OR51B2: variants seen among roughly 807,000 people sequenced by gnomAD.
OR51B2 encodes the protein olfactory receptor family 51 subfamily B member 2.
For synonymous variants in OR51B2, 158 were observed against 135.3 expected (o/e 1.17, Z -1.16); for missense variants, 463 against 380.1 (o/e 1.22, Z -1.81).
Position 5,323,524 on chromosome 11 carries a change from G to T in OR51B2, c.774C>A (p.Phe258Leu). Residue 258 changes from phenylalanine to leucine, a missense_variant, in exon 1 of 1, where the codon TTC becomes TTA. Physicochemically the swap from Phe to Leu is conservative, Grantham distance 22. Transcript: ENST00000624187. ...GCACATTCTTCCCAAATCTGTAAAT[G>T]AATGTCAAACCCATCACTGTAACAT... ...IFYVTVMGLT[F>L]IYRFGKNVPE... The T allele has an allele frequency of 3.1e-6, 5 of 1,613,632 alleles. No homozygotes were observed. The highest frequency in any genetic ancestry group is 1.1e-5 in the South Asian group (1 of 91,060).
Position 5,323,460 on chromosome 11 carries a change from G to C in OR51B2, c.838C>G (p.Leu280Val). 1 of 1,613,410 alleles carries C rather than the reference G, an allele frequency of 6.2e-7. No homozygotes were observed. Among genetic ancestry groups the C allele is most frequent in the Non-Finnish European group, 8.5e-7 (1 of 1,179,414 alleles). Reference sequence around the variant, plus strand: ...ACAGGGTTCATTAAAGGAGGAAAGAGGAAGTAGATGTAACTCATGATAATG... The same window carrying C: ...ACAGGGTTCATTAAAGGAGGAAAGACGAAGTAGATGTAACTCATGATAATG... ...VHIIMSYIYFLFPPLMNPVIY... is the reference protein window; with the variant it reads ...VHIIMSYIYFVFPPLMNPVIY... Residue 280 changes from leucine (L) to valine (V), a missense_variant, in exon 1 of 1, where the codon CTC becomes GTC. By Grantham distance (32) the Leu-to-Val change is conservative. Transcript: ENST00000624187.
Position 5,323,585 on chromosome 11 carries a change from G to T in OR51B2, c.713C>A (p.Thr238Asn). ...SGEERAKALN[T>N]CISHISCVLI... ...AACACAACTAATGTGGGAGATACAGGTATTGAGGGCTTTGGCTCTCTCTTC... is the reference window on the plus strand; with the variant it reads ...AACACAACTAATGTGGGAGATACAGTTATTGAGGGCTTTGGCTCTCTCTTC... The change falls in exon 1 of 1, where the codon ACC (threonine) becomes AAC (asparagine). Residue 238 changes from threonine (T) to asparagine (N), a missense_variant. Physicochemically the swap from Thr to Asn is moderately conservative, Grantham distance 65. Coordinates refer to ENST00000624187, the MANE Select transcript of OR51B2 (RefSeq NM_033180.5). 1 of 1,612,756 alleles carries T rather than the reference G, an allele frequency of 6.2e-7. No homozygotes were observed. The highest frequency in any genetic ancestry group is 8.5e-7 in the Non-Finnish European group (1 of 1,178,846).
chr11:5,323,994 T>A lies in OR51B2; in HGVS notation c.304A>T (p.Ile102Phe), dbSNP rs1300869733. 3.1e-6 allele frequency: 5 copies of A among 1,613,666 alleles called. No homozygotes were observed. In the African/African-American group the frequency reaches 6.7e-5, roughly 22 times the overall value. Residue 102 changes from isoleucine (I) to phenylalanine (F), a missense_variant, in exon 1 of 1, where the codon ATT (isoleucine) becomes TTT (phenylalanine). Coordinates refer to ENST00000624187, the MANE Select transcript of OR51B2 (RefSeq NM_033180.5). ...GATTCCACAACAGAAAGGGAGTGAATAAAGTAAGCCTGTAGGAAGCAGCCC... is the reference window on the plus strand; with the variant it reads ...GATTCCACAACAGAAAGGGAGTGAAAAAAGTAAGCCTGTAGGAAGCAGCCC... ...SVGCFLQAYFIHSLSVVESGS... is the reference protein window; with the variant it reads ...SVGCFLQAYFFHSLSVVESGS...
In OR51B2 at chr11:5,323,858, A is replaced by C. The variant is rs1433467458; in HGVS notation, c.440T>G (p.Phe147Cys). 1.2e-6 allele frequency: 2 copies of C among 1,614,050 alleles called. No individual in the cohort carries two copies. The highest frequency in any genetic ancestry group is 2.2e-5 in the East Asian group (1 of 44,874). The change falls in exon 1 of 1, where the codon TTT (phenylalanine) becomes TGT (cysteine). Residue 147 changes from phenylalanine to cysteine, a missense_variant. By Grantham distance (205) the Phe-to-Cys change is radical (BLOSUM62 -2). Coordinates refer to ENST00000624187, the MANE Select transcript of OR51B2 (RefSeq NM_033180.5). ...CAGGATGGATACAAAACCCCTTAGA[A>C]ACACTCCCACTCCTAACGCTATGAC... ...TRVIALGVGV[F>C]LRGFVSILPV...
chr11:5,323,595 C>T lies in OR51B2; in HGVS notation c.703G>A (p.Ala235Thr). The stretch of plus-strand genomic sequence containing the variant: ...ATGTGGGAGATACAGGTATTGAGGG[C>T]TTTGGCTCTCTCTTCACCAGAAGCA... ...GIASGEERAKALNTCISHISC... is the reference protein window; with the variant it reads ...GIASGEERAKTLNTCISHISC... Residue 235 changes from alanine (A) to threonine (T), a missense_variant, in exon 1 of 1, where the codon GCC becomes ACC. Coordinates refer to ENST00000624187, the MANE Select transcript of OR51B2 (RefSeq NM_033180.5). The T allele has an allele frequency of 6.2e-7, 1 of 1,612,900 alleles. No homozygotes were observed. The highest frequency in any genetic ancestry group is 8.5e-7 in the Non-Finnish European group (1 of 1,179,020).
In OR51B2 at chr11:5,323,599, G is replaced by A; in HGVS notation, c.699C>T (p.Ala233=). The change falls in exon 1 of 1, where the codon GCC becomes GCT. Residue 233 remains alanine (A), a synonymous_variant. Transcript: ENST00000624187. The part of the protein sequence containing the change: ...VIGIASGEER[A]KALNTCISHI... ...GGGAGATACAGGTATTGAGGGCTTTGGCTCTCTCTTCACCAGAAGCAATGC... is the reference window on the plus strand; with the variant it reads ...GGGAGATACAGGTATTGAGGGCTTTAGCTCTCTCTTCACCAGAAGCAATGC... The A allele has an allele frequency of 6.2e-7, 1 of 1,612,726 alleles. No individual in the cohort carries two copies. The highest frequency in any genetic ancestry group is 1.3e-5 in the African/African-American group (1 of 75,004).
In OR51B2 at chr11:5,323,630, A is replaced by G. The variant is rs202221282; in HGVS notation, c.668T>C (p.Val223Ala). The G allele has an allele frequency of 6.2e-7, 1 of 1,612,490 alleles. No homozygotes were observed. The highest frequency in any genetic ancestry group is 8.5e-7 in the Non-Finnish European group (1 of 1,178,590). The change falls in exon 1 of 1, where the codon GTC becomes GCC. Residue 223 changes from valine to alanine, a missense_variant. Physicochemically the swap from Val to Ala is moderately conservative, Grantham distance 64. Coordinates refer to ENST00000624187, the MANE Select transcript of OR51B2 (RefSeq NM_033180.5). Reference sequence around the variant, plus strand: ...CTCTTCACCAGAAGCAATGCCTATGACAGTATTAAGAATTAGAATATAGGA... The same window carrying G: ...CTCTTCACCAGAAGCAATGCCTATGGCAGTATTAAGAATTAGAATATAGGA... Reference protein sequence around the residue: ...LFSYILILNTVIGIASGEERA... With the variant: ...LFSYILILNTAIGIASGEERA...
Position 5,323,478 on chromosome 11 carries a change from T to A in OR51B2, c.820A>T (p.Met274Leu), listed in dbSNP as rs753393203. ...GGAAAGAGGAAGTAGATGTAACTCA[T>A]GATAATGTGGACAACCTCTGGCACA... ...KNVPEVVHII[M>L]SYIYFLFPPL... Residue 274 changes from methionine (M) to leucine (L), a missense_variant, in exon 1 of 1, where the codon ATG (methionine) becomes TTG (leucine). Coordinates refer to ENST00000624187, the MANE Select transcript of OR51B2 (RefSeq NM_033180.5). 2 of 1,613,578 alleles carry A rather than the reference T, an allele frequency of 1.2e-6. No homozygotes were observed. Among genetic ancestry groups the A allele is most frequent in the Non-Finnish European group, 1.7e-6 (2 of 1,179,558 alleles).
At position 5,323,628 on chromosome 11, in the gene OR51B2, T is replaced by C. The variant is rs907431317; in HGVS notation, c.670A>G (p.Ile224Val). The C allele has an allele frequency of 6.2e-7, 1 of 1,612,408 alleles. No individual in the cohort carries two copies. Among genetic ancestry groups the C allele is most frequent in the Middle Eastern group, 1.7e-4 (1 of 6,060 alleles). ...FSYILILNTV[I>V]GIASGEERAK... is the part of the protein sequence containing the mutation. The stretch of plus-strand genomic sequence containing the variant: ...CTCTCTTCACCAGAAGCAATGCCTA[T>C]GACAGTATTAAGAATTAGAATATAG... Residue 224 changes from isoleucine to valine, a missense_variant, in exon 1 of 1, where the codon ATA becomes GTA. Physicochemically the swap from Ile to Val is conservative, Grantham distance 29. Coordinates refer to ENST00000624187, the MANE Select transcript of OR51B2 (RefSeq NM_033180.5).
Position 5,323,863 on chromosome 11 carries a change from T to G in OR51B2, c.435A>C (p.Gly145=). ...TGGATACAAAACCCCTTAGAAACAC[T>G]CCCACTCCTAACGCTATGACTCTAG... ...TNTRVIALGV[G]VFLRGFVSIL... Residue 145 remains glycine (G), a synonymous_variant, in exon 1 of 1, where the codon GGA becomes GGC. Coordinates refer to ENST00000624187, the MANE Select transcript of OR51B2 (RefSeq NM_033180.5). The G allele has an allele frequency of 6.2e-7, 1 of 1,613,446 alleles. No individual in the cohort carries two copies. The highest frequency in any genetic ancestry group is 8.5e-7 in the Non-Finnish European group (1 of 1,179,792).
chr11:5,324,020 A>G lies in OR51B2; in HGVS notation c.278T>C (p.Val93Ala). ...LWVNHREISS[V>A]GCFLQAYFIH... ...AAAGTAAGCCTGTAGGAAGCAGCCC[A>G]CACTGCTAATCTCCCTGTGATTCAC... The change falls in exon 1 of 1, where the codon GTG (valine) becomes GCG (alanine). Residue 93 changes from valine to alanine, a missense_variant. Physicochemically the swap from Val to Ala is moderately conservative, Grantham distance 64. Coordinates refer to ENST00000624187, the MANE Select transcript of OR51B2 (RefSeq NM_033180.5). 1 of 1,614,030 alleles carries G rather than the reference A, an allele frequency of 6.2e-7. No homozygotes were observed. Among genetic ancestry groups the G allele is most frequent in the Non-Finnish European group, 8.5e-7 (1 of 1,179,986 alleles).
chr11:5,324,051 G>GT lies in OR51B2; in HGVS notation c.246_247insA (p.Leu83ThrfsTer9). 6.2e-7 allele frequency: 1 copy of GT among 1,613,780 alleles called. No homozygotes were observed. The highest frequency in any genetic ancestry group is 1.1e-5 in the South Asian group (1 of 91,056). ...CTAATCTCCCTGTGATTCACCCATA[G>GT]GATGCCCATTACAGTAGGCATCGTG... On this transcript the variant is annotated frameshift_variant, in exon 1 of 1. Transcript: ENST00000624187. LOFTEE classifies it low-confidence loss of function (END_TRUNC).
chr11:5,323,837 A>T lies in OR51B2; in HGVS notation c.461T>A (p.Ile154Asn), dbSNP rs753801014. The change falls in exon 1 of 1, where the codon ATC (isoleucine) becomes AAC (asparagine). Residue 154 changes from isoleucine to asparagine, a missense_variant. Coordinates refer to ENST00000624187, the MANE Select transcript of OR51B2 (RefSeq NM_033180.5). Reference protein sequence around the residue: ...VGVFLRGFVSILPVILRLFSF... With the variant: ...VGVFLRGFVSNLPVILRLFSF... ...AAAAAGACGCAAAATTACAGGCAGG[A>T]TGGATACAAAACCCCTTAGAAACAC... 12 of 1,614,048 alleles carry T rather than the reference A, an allele frequency of 7.4e-6. No homozygotes were observed. In the East Asian group the frequency reaches 2.7e-4, roughly 36 times the overall value.
chr11:5,323,529 T>A lies in OR51B2; in HGVS notation c.769A>T (p.Thr257Ser), dbSNP rs763208966. The A allele has an allele frequency of 6.2e-7, 1 of 1,613,710 alleles. No homozygotes were observed. Among genetic ancestry groups the A allele is most frequent in the Non-Finnish European group, 8.5e-7 (1 of 1,179,698 alleles). Reference protein sequence around the residue: ...LIFYVTVMGLTFIYRFGKNVP... With the variant: ...LIFYVTVMGLSFIYRFGKNVP... ...TTCTTCCCAAATCTGTAAATGAATG[T>A]CAAACCCATCACTGTAACATAGAAG... The change falls in exon 1 of 1, where the codon ACA (threonine) becomes TCA (serine). Residue 257 changes from threonine (T) to serine (S), a missense_variant. Coordinates refer to ENST00000624187, the MANE Select transcript of OR51B2 (RefSeq NM_033180.5).
chr11:5,323,510 C>G lies in OR51B2; in HGVS notation c.788G>C (p.Gly263Ala). Reference protein sequence around the residue: ...VMGLTFIYRFGKNVPEVVHII... With the variant: ...VMGLTFIYRFAKNVPEVVHII... ...GTGGACAACCTCTGGCACATTCTTC[C>G]CAAATCTGTAAATGAATGTCAAACC... Residue 263 changes from glycine to alanine, a missense_variant, in exon 1 of 1, where the codon GGG becomes GCG. Coordinates refer to ENST00000624187, the MANE Select transcript of OR51B2 (RefSeq NM_033180.5). 1 of 1,613,574 alleles carries G rather than the reference C, an allele frequency of 6.2e-7. No homozygotes were observed. Among genetic ancestry groups the G allele is most frequent in the Non-Finnish European group, 8.5e-7 (1 of 1,179,646 alleles).
rs554140429 is a variant in OR51B2 at position 5,324,096 on chromosome 11, C to T, written c.202G>A (p.Asp68Asn). The T allele has an allele frequency of 1.2e-6, 2 of 1,613,854 alleles. No individual in the cohort carries two copies. The highest frequency in any genetic ancestry group is 1.7e-6 in the Non-Finnish European group (2 of 1,179,882). The part of the protein sequence containing the change: ...YYFLTMLAGT[D>N]LMVTLTTMPT... ...ATCGTGGTCAATGTCACCATGAGGT[C>T]TGTGCCTGCCAGCATGGTGAGGAAG... Residue 68 changes from aspartate (D) to asparagine (N), a missense_variant, in exon 1 of 1, where the codon GAC becomes AAC. Transcript: ENST00000624187.
At position 5,323,426 on chromosome 11, in the gene OR51B2, C is replaced by G; in HGVS notation, c.872G>C (p.Ser291Thr). ...FPPLMNPVIY[S>T]IKTKQIQYGI... ...ATATTGTATTTGCTTGGTTTTGATG[C>G]TGTAGATGACAGGGTTCATTAAAGG... The change falls in exon 1 of 1, where the codon AGC becomes ACC. Residue 291 changes from serine (S) to threonine (T), a missense_variant. Ser to Thr is a moderately conservative substitution (Grantham distance 58). Coordinates refer to ENST00000624187, the MANE Select transcript of OR51B2 (RefSeq NM_033180.5). 1 of 1,613,754 alleles carries G rather than the reference C, an allele frequency of 6.2e-7. No homozygotes were observed. Among genetic ancestry groups the G allele is most frequent in the Admixed American group, 1.7e-5 (1 of 59,960 alleles).
Position 5,323,530 on chromosome 11 carries a change from C to A in OR51B2, c.768G>T (p.Leu256Phe). The A allele has an allele frequency of 1.9e-6, 3 of 1,613,712 alleles. No individual in the cohort carries two copies. The highest frequency in any genetic ancestry group is 1.1e-5 in the South Asian group (1 of 91,054). Residue 256 changes from leucine to phenylalanine, a missense_variant, in exon 1 of 1, where the codon TTG (leucine) becomes TTT (phenylalanine). Leu to Phe is a conservative substitution (Grantham distance 22, BLOSUM62 0). Transcript: ENST00000624187. ...TCTTCCCAAATCTGTAAATGAATGT[C>A]AAACCCATCACTGTAACATAGAAGA... Reference protein sequence around the residue: ...VLIFYVTVMGLTFIYRFGKNV... With the variant: ...VLIFYVTVMGFTFIYRFGKNV...
Position 5,323,416 on chromosome 11 carries a change from G to A in OR51B2, c.882C>T (p.Thr294=). ...LMNPVIYSIK[T]KQIQYGIIRL... ...GGATAATGCCATATTGTATTTGCTTGGTTTTGATGCTGTAGATGACAGGGT... is the reference window on the plus strand; with the variant it reads ...GGATAATGCCATATTGTATTTGCTTAGTTTTGATGCTGTAGATGACAGGGT... Residue 294 remains threonine (T), a synonymous_variant, in exon 1 of 1, where the codon ACC becomes ACT. Coordinates refer to ENST00000624187, the MANE Select transcript of OR51B2 (RefSeq NM_033180.5). The A allele has an allele frequency of 6.2e-7, 1 of 1,613,638 alleles. No homozygotes were observed. Among genetic ancestry groups the A allele is most frequent in the Non-Finnish European group, 8.5e-7 (1 of 1,179,658 alleles).
Sources: gnomAD v4.1 joint callset for allele counts on GRCh38, gnomAD v4.1.1 for gene constraint, MANE v1.5 for transcripts, NCBI Gene and HGNC (gene_info 2026-07-23, HGNC 2026-07-21) for gene names.